PHF21A: variants seen among roughly 807,000 people sequenced by gnomAD.
PHF21A encodes the protein BHC80a.
A neutral mutation model predicts 82.5 loss-of-function variants in PHF21A; 11 were observed. That is an observed-to-expected ratio of 0.13 (90% confidence interval 0.08 to 0.22). The LOEUF is 0.22. Among genes scored for constraint, PHF21A ranks in the 10% least tolerant of loss-of-function variants. PHF21A has a pLI of 1.00. For missense variants in PHF21A, 579 were observed against 837.8 expected, an observed-to-expected ratio of 0.69 and a Z score of 3.81; for synonymous variants, 297 against 302.8, an observed-to-expected ratio of 0.98 and a Z score of 0.20.
intron 1 of PHF21A, among the ~76,000 whole-genome samples, chr11:46,119,436 G>A (rs1852351460): frequency 6.6e-6 from 1 of 152,192 alleles, no homozygotes; most frequent in South Asian, 2.1e-4. Context: ...TGCAGAGTGA[G>A]ATCCTCTACT....
intron 7 of PHF21A, 96 bp downstream of exon 7, chr11:45,979,664 G>T (rs2094195284): frequency 6.4e-7 from 1 of 1,557,546 alleles, no homozygotes; most frequent in South Asian, 1.1e-5. Flanking sequence ...AGTTCTAGCT[G>T]AGCTTAGTAT....
intron 6 of PHF21A, among the ~76,000 whole-genome samples, chr11:46,036,078 T>C (rs747188891): frequency 6.6e-6 from 1 of 152,154 alleles, no homozygotes; most frequent in African/African-American, 2.4e-5. Context: ...GTAGTGCTTA[T>C]GGAAAGAAGA....
Position 46,080,839 on chromosome 11 carries a change from T to C in PHF21A, c.55-1673A>G, listed in dbSNP as rs2096782951. On this transcript the variant is annotated intron_variant, in intron 4 of 18. Transcript: ENST00000676320. ...CACACCACCATATCCAGCATTTTTT[T>C]TTTTTTAAGAGATGAGGTCTCACTA... is the stretch of plus-strand genomic sequence containing the variant. Among the ~76,000 whole-genome samples the C allele has an allele frequency of 1.3e-5, 2 of 152,024 alleles. 1 individual carries two copies. Among genetic ancestry groups the C allele is most frequent in the South Asian group, 4.2e-4 (2 of 4,818 alleles).
intron 7 of PHF21A, among the ~76,000 whole-genome samples, chr11:45,978,686 C>T (rs1047531970): frequency 3.9e-5 from 6 of 152,204 alleles, no homozygotes; most frequent in Non-Finnish European, 8.8e-5. Context: ...GTATATTCTT[C>T]TGGAGAGGGA....
At chr11:46,027,315 T>A (rs2095767416) in intron 6 of PHF21A, among the ~76,000 whole-genome samples, 1 of 152,246 alleles carries the variant, frequency 6.6e-6, no homozygotes, top group Non-Finnish European at 1.5e-5. Flanking sequence ...CATGCTAATC[T>A]GCCATCGTTT....
chr11:45,966,319 T>C (rs2093431235), intron 9 of PHF21A, among the ~76,000 whole-genome samples: 1 of 152,200 alleles, frequency 6.6e-6, no homozygotes, highest in Non-Finnish European at 1.5e-5. Flanking sequence ...AATCTTCTCT[T>C]CCTCCGATAA....
At chr11:45,960,132 T>C (rs555544100) in intron 10 of PHF21A, among the ~76,000 whole-genome samples, 1 of 152,352 alleles carries the variant, frequency 6.6e-6, no homozygotes, top group African/African-American at 2.4e-5. Flanking sequence ...GTTCTTCAAA[T>C]AGTTGAGCAG....
intron 6 of PHF21A, among the ~76,000 whole-genome samples, chr11:45,994,646 C>T (rs778858349): frequency 6.6e-5 from 10 of 152,308 alleles, no homozygotes; most frequent in Admixed American, 2.0e-4. Flanking sequence ...ATGTTTTAGG[C>T]TTTGTAAGAA....
chr11:45,998,198 G>A (rs1208232642), intron 6 of PHF21A, among the ~76,000 whole-genome samples: 2 of 152,166 alleles, frequency 1.3e-5, no homozygotes, highest in African/African-American at 2.4e-5. Context: ...TTCCATCTGT[G>A]TTATTAGCAC....
intron 14 of PHF21A, among the ~76,000 whole-genome samples, chr11:45,947,792 C>G (rs895737599): frequency 2.6e-5 from 4 of 151,948 alleles, no homozygotes; most frequent in Admixed American, 2.6e-4. Context: ...CAAAACAAAA[C>G]AAAACAAAAA....
Position 45,969,920 on chromosome 11 carries a change from G to T in PHF21A, c.613-16C>A. The T allele has an allele frequency of 6.4e-7, 1 of 1,559,296 alleles. No individual in the cohort carries two copies. The highest frequency in any genetic ancestry group is 8.8e-7 in the Non-Finnish European group (1 of 1,132,302). On this transcript the variant is annotated splice_polypyrimidine_tract_variant and intron_variant, in intron 8 of 18. Transcript: ENST00000676320. ...CCTGAACCTGCTAAAAAATGAGGAA[G>T]ATAAATAAACCAGAGAGAACAATTA... is the stretch of plus-strand genomic sequence containing the variant.
chr11:46,069,992 C>T (rs765975725), intron 6 of PHF21A, among the ~76,000 whole-genome samples: 6 of 152,092 alleles, frequency 3.9e-5, no homozygotes, highest in Non-Finnish European at 8.8e-5. Flanking sequence ...AAACATTCCA[C>T]GAATATGGAA....
intron 6 of PHF21A, among the ~76,000 whole-genome samples, chr11:46,015,670 T>C (rs988699393): frequency 2.0e-5 from 3 of 152,206 alleles, no homozygotes; most frequent in African/African-American, 4.8e-5. Context: ...TTTTTGTAAC[T>C]TTTTAAGCAT....
chr11:46,089,095 T>C (rs1322072943), intron 3 of PHF21A, among the ~76,000 whole-genome samples: 2 of 152,184 alleles, frequency 1.3e-5, no homozygotes, highest in Admixed American at 6.5e-5. Flanking sequence ...CTCTATACCA[T>C]GCATTTATTT....
At chr11:45,942,073 G>C (rs776020882) in intron 15 of PHF21A, among the ~76,000 whole-genome samples, 6 of 152,176 alleles carry the variant, frequency 3.9e-5, no homozygotes, top group Non-Finnish European at 8.8e-5. Flanking sequence ...ACAGAGACCT[G>C]TGTGTTGATT....
intron 6 of PHF21A, among the ~76,000 whole-genome samples, chr11:46,064,641 G>T (rs2096574030): frequency 2.0e-5 from 3 of 151,826 alleles, no homozygotes; most frequent in African/African-American, 7.3e-5. Flanking sequence ...CTAATCTGTT[G>T]GGGAAAAAAA....
chr11:46,086,313 G>C (rs2135325529), intron 3 of PHF21A, among the ~76,000 whole-genome samples: 1 of 152,164 alleles, frequency 6.6e-6, no homozygotes, highest in East Asian at 1.9e-4. Context: ...TAGAGACGGG[G>C]TTTCACCGTG....
intron 6 of PHF21A, among the ~76,000 whole-genome samples, chr11:46,037,439 C>G (rs2096029364): frequency 6.6e-6 from 1 of 152,068 alleles, no homozygotes; most frequent in Non-Finnish European, 1.5e-5. Context: ...GTCAGGAGTT[C>G]AAGACCAGCC....
In PHF21A at chr11:46,101,938, A is replaced by G. The variant is rs1435980662; in HGVS notation, c.-236-9715T>C. Among the ~76,000 whole-genome samples, 2 of 149,750 alleles carry G rather than the reference A, an allele frequency of 1.3e-5. 1 individual carries two copies. Among genetic ancestry groups the G allele is most frequent in the Non-Finnish European group, 3.0e-5 (2 of 67,502 alleles). ...AGTGGCGCAATCTCGGCTCACTACAACCTCTGACTCCTGTGTTCAAGCGAT... is the reference window on the plus strand; with the variant it reads ...AGTGGCGCAATCTCGGCTCACTACAGCCTCTGACTCCTGTGTTCAAGCGAT... On this transcript the variant is annotated intron_variant, in intron 1 of 18. Transcript: ENST00000676320.
Sources: allele counts gnomAD v4.1 joint callset (sites outside exome capture counted in the v4.1 genomes callset), GRCh38; gene constraint gnomAD v4.1.1; transcripts MANE v1.5; gene names NCBI Gene and HGNC (gene_info 2026-07-23, HGNC 2026-07-21).